ZP1: variants seen among roughly 807,000 people sequenced by gnomAD.
The protein encoded by ZP1 is zona pellucida sperm-binding protein 1.
ZP1 carries 58 observed loss-of-function variants against 67.4 expected under a neutral mutation model. That is an observed-to-expected ratio of 0.86 (90% confidence interval 0.70 to 1.07). The LOEUF is 1.07. Among genes scored for constraint, ZP1 ranks in the 50% least tolerant of loss-of-function variants. The pLI is 0.00. For synonymous variants in ZP1, 333 were observed against 332.7 expected, an observed-to-expected ratio of 1.00 and a Z score of -0.01; for missense variants, 759 against 807.3, an observed-to-expected ratio of 0.94 and a Z score of 0.72.
At chr11:60,870,723 G>T in intron 4 of ZP1, 1 of 664,934 alleles carries the variant, frequency 1.5e-6, no homozygotes, top group Non-Finnish European at 2.5e-6. Flanking sequence ...GAAACGCCCT[G>T]GTTTGGATGA....
At chr11:60,867,784 T>C (rs1393452013) in intron 1 of ZP1, 27 bp downstream of exon 1, 1 of 1,601,608 alleles carries the variant, frequency 6.2e-7, no homozygotes. Context: ...TCCTGGCCCC[T>C]GCCTCCCTGG....
At position 60,869,160 on chromosome 11, in the gene ZP1, G is replaced by T; in HGVS notation, c.212G>T (p.Arg71Leu). 1 of 1,614,134 alleles carries T rather than the reference G, an allele frequency of 6.2e-7. No homozygotes were observed. ...CCCACTGCAGATGAATTTGGGAACC[G>T]ATTTGATGTCAACAACTGCTCCATC... ...RFKVVDEFGN[R>L]FDVNNCSICY... The change falls in exon 2 of 12, where the codon CGA (arginine) becomes CTA (leucine). Residue 71 changes from arginine to leucine, a missense_variant. By Grantham distance (102) the Arg-to-Leu change is moderately radical. Transcript: ENST00000278853.
rs1266999015 is a variant in ZP1, at chr11:60,875,229, G to A, written c.1755G>A (p.Glu585=). The A allele has an allele frequency of 2.2e-5, 35 of 1,612,678 alleles. No individual in the cohort carries two copies. Among genetic ancestry groups the A allele is most frequent in the Non-Finnish European group, 3.0e-5 (35 of 1,180,000 alleles). The stretch of plus-strand genomic sequence containing the variant: ...GCTTTGAGGATTCTTATGGGCAGGA[G>A]CCCACACTTGGGCCCACAGGTAGGA... ...PVGFEDSYGQ[E]PTLGPTDSNG... Residue 585 remains glutamate (E), a synonymous_variant, in exon 11 of 12, where the codon GAG becomes GAA. Coordinates refer to ENST00000278853, the MANE Select transcript of ZP1 (RefSeq NM_207341.4).
chr11:60,868,643 G>A (rs930660721), intron 1 of ZP1, among the ~76,000 whole-genome samples: 3 of 152,178 alleles, frequency 2.0e-5, no homozygotes, highest in Admixed American at 6.5e-5. Context: ...TGGACACCTA[G>A]GGGGTGTCTC....
chr11:60,874,562 G>C (rs1855661005), intron 9 of ZP1, among the ~76,000 whole-genome samples: 2 of 152,242 alleles, frequency 1.3e-5, no homozygotes, highest in Non-Finnish European at 2.9e-5. Context: ...TCCCTCAGTA[G>C]GGCAGGTGGA....
chr11:60,872,816 G>C (rs767310188), intron 6 of ZP1, among the ~76,000 whole-genome samples: 7 of 152,210 alleles, frequency 4.6e-5, no homozygotes, highest in Non-Finnish European at 4.4e-5. Flanking sequence ...TCAGGCTCCA[G>C]GGGCCTCGAA....
At position 60,875,184 on chromosome 11, in the gene ZP1, G is replaced by C. The variant is rs994026227; in HGVS notation, c.1710G>C (p.Val570=). 3 of 1,613,846 alleles carry C rather than the reference G, an allele frequency of 1.9e-6. No homozygotes were observed. In the South Asian group the frequency reaches 3.3e-5, roughly 18 times the overall value. ...ACACTGCCAGGCCCCAGGACATCGT[G>C]AGCTCTCCGGGGCCAGTGGGCTTTG... ...RNDTARPQDI[V]SSPGPVGFED... Residue 570 remains valine, a synonymous_variant, in exon 11 of 12, where the codon GTG becomes GTC. Coordinates refer to ENST00000278853, the MANE Select transcript of ZP1 (RefSeq NM_207341.4).
Position 60,869,132 on chromosome 11 carries a change from T to A in ZP1, c.197-13T>A. 1 of 1,613,830 alleles carries A rather than the reference T, an allele frequency of 6.2e-7. No homozygotes were observed. Among genetic ancestry groups the A allele is most frequent in the East Asian group, 2.2e-5 (1 of 44,850 alleles). Reference sequence around the variant, plus strand: ...CTTCAACATCCCTGGCCCCTCCCCTTCCCCCACTGCAGATGAATTTGGGAA... The same window carrying A: ...CTTCAACATCCCTGGCCCCTCCCCTACCCCCACTGCAGATGAATTTGGGAA... On this transcript the variant is annotated splice_polypyrimidine_tract_variant and intron_variant, in intron 1 of 11. Transcript: ENST00000278853.
At position 60,874,996 on chromosome 11, in the gene ZP1, T is replaced by C; in HGVS notation, c.1636T>C (p.Cys546Arg). 1 of 1,614,262 alleles carries C rather than the reference T, an allele frequency of 6.2e-7. No individual in the cohort carries two copies. Residue 546 changes from cysteine (C) to arginine (R), a missense_variant, in exon 10 of 12, where the codon TGT (cysteine) becomes CGT (arginine). Cys to Arg is a radical substitution (Grantham distance 180, BLOSUM62 -3). Coordinates refer to ENST00000278853, the MANE Select transcript of ZP1 (RefSeq NM_207341.4). ...AGGGCTGGAGACTTGCTCCACTGCATGTAGCACTGGCACTACAAGTGAGTC... is the reference window on the plus strand; with the variant it reads ...AGGGCTGGAGACTTGCTCCACTGCACGTAGCACTGGCACTACAAGTGAGTC... Reference protein sequence around the residue: ...TSGLETCSTACSTGTTRQRRS... With the variant: ...TSGLETCSTARSTGTTRQRRS...
chr11:60,874,982 C>T lies in ZP1; in HGVS notation c.1622C>T (p.Thr541Ile), dbSNP rs1855672765. The change falls in exon 10 of 12, where the codon ACT (threonine) becomes ATT (isoleucine). Residue 541 changes from threonine (T) to isoleucine (I), a missense_variant. By Grantham distance (89) the Thr-to-Ile change is moderately conservative. Transcript: ENST00000278853. ...GCCTGCCACACCTCAGGGCTGGAGA[C>T]TTGCTCCACTGCATGTAGCACTGGC... ...TSACHTSGLETCSTACSTGTT... is the reference protein window; with the variant it reads ...TSACHTSGLEICSTACSTGTT... 13 of 1,614,268 alleles carry T rather than the reference C, an allele frequency of 8.1e-6. No individual in the cohort carries two copies. The East Asian group carries it at 2.9e-4, about 36-fold the overall frequency.
At position 60,867,627 on chromosome 11, in the gene ZP1, G is replaced by A. The variant is rs754345555; in HGVS notation, c.66G>A (p.Leu22=). The change falls in exon 1 of 12, where the codon CTG becomes CTA. Residue 22 remains leucine (L), a synonymous_variant. Coordinates refer to ENST00000278853, the MANE Select transcript of ZP1 (RefSeq NM_207341.4). ...CCCTGCTACTGCTGGTTGCCACCCT[G>A]GGGCTGGGTAGGTGGCTCCAGCCCG... ...PVALLLLVAT[L]GLGRWLQPDP... 3.7e-6 allele frequency: 6 copies of A among 1,613,624 alleles called. No homozygotes were observed. The highest frequency in any genetic ancestry group is 5.1e-6 in the Non-Finnish European group (6 of 1,179,700).
intron 6 of ZP1, among the ~76,000 whole-genome samples, chr11:60,871,584 G>A (rs114636442): frequency 1.0e-3 from 154 of 152,308 alleles, no homozygotes; most frequent in African/African-American, 3.6e-3. Context: ...CCAGTCCTGA[G>A]AGAGCTGGAG....
In ZP1 at chr11:60,873,201, G is replaced by C; in HGVS notation, c.1152G>C (p.Leu384=). The C allele has an allele frequency of 6.2e-7, 1 of 1,607,290 alleles. No homozygotes were observed. The highest frequency in any genetic ancestry group is 8.5e-7 in the Non-Finnish European group (1 of 1,176,370). ...GTGTCTTCAACGCCAGTGACTTCCTGCCCATTCAGGCATCCATTTTCCCAC... is the reference window on the plus strand; with the variant it reads ...GTGTCTTCAACGCCAGTGACTTCCTCCCCATTCAGGCATCCATTTTCCCAC... ...VRCVFNASDF[L]PIQASIFPPP... is the part of the protein sequence containing the mutation. The change falls in exon 7 of 12, where the codon CTG becomes CTC. Residue 384 remains leucine (L), a synonymous_variant. Coordinates refer to ENST00000278853, the MANE Select transcript of ZP1 (RefSeq NM_207341.4).
chr11:60,874,913 T>A lies in ZP1; in HGVS notation c.1573-20T>A. On this transcript the variant is annotated intron_variant, in intron 9 of 11. Coordinates refer to ENST00000278853, the MANE Select transcript of ZP1 (RefSeq NM_207341.4). ...GGTGGCACTGAGCCAGCCACTTTGA[T>A]GTTCTTCTCCTTCCACCAGGTTTAC... 6.2e-7 allele frequency: 1 copy of A among 1,613,714 alleles called. No homozygotes were observed. Among genetic ancestry groups the A allele is most frequent in the Non-Finnish European group, 8.5e-7 (1 of 1,179,634 alleles).
At chr11:60,870,827 C>T (rs1255885366) in intron 4 of ZP1, 130 bp from the exon 5 acceptor site, 7 of 1,077,258 alleles carry the variant, frequency 6.5e-6, no homozygotes, top group African/African-American at 4.7e-5. Context: ...CTGGGGCCAA[C>T]ACCAGCCTAA....
rs778530065 is a variant in ZP1, at chr11:60,873,629, C to G, written c.1431-5C>G. On this transcript the variant is annotated splice_region_variant and splice_polypyrimidine_tract_variant and intron_variant, in intron 8 of 11. Transcript: ENST00000278853. ...GTAAACAGCCTCTCTGACTTCTCTT[C>G]TCAGATGCCCTTTCAAGGGCGACAG... The G allele has an allele frequency of 2.5e-6, 4 of 1,614,182 alleles. No individual in the cohort carries two copies. The South Asian group carries it at 4.4e-5, about 18-fold the overall frequency.
At chr11:60,873,087 G>A (rs1855612266) in intron 6 of ZP1, 75 bp from the exon 7 acceptor site, 2 of 1,491,258 alleles carry the variant, frequency 1.3e-6, no homozygotes, top group Non-Finnish European at 1.8e-6. Context: ...CACGGAGTTG[G>A]TGCCTAGTTT....
At chr11:60,872,017 G>A (rs60148529) in intron 6 of ZP1, among the ~76,000 whole-genome samples, 1,756 of 152,220 alleles carry the variant, frequency 0.012, 47 homozygotes, top group South Asian at 0.041. Flanking sequence ...TCCCCTTCCC[G>A]CCCTGCCGTG....
At position 60,869,716 on chromosome 11, in the gene ZP1, C is replaced by T; in HGVS notation, c.498C>T (p.Pro166=). ...VSTPQTLSFL[P]TSGHTSQGSG... Reference sequence around the variant, plus strand: ...CCCCACAAACCCTTTCCTTCCTCCCCACCTCTGGCCATACCTCCCAAGGCT... The same window carrying T: ...CCCCACAAACCCTTTCCTTCCTCCCTACCTCTGGCCATACCTCCCAAGGCT... Residue 166 remains proline, a synonymous_variant, in exon 3 of 12, where the codon CCC becomes CCT. Transcript: ENST00000278853. 6 of 1,613,954 alleles carry T rather than the reference C, an allele frequency of 3.7e-6. No homozygotes were observed. The highest frequency in any genetic ancestry group is 1.3e-5 in the African/African-American group (1 of 75,052).
Sources: allele counts gnomAD v4.1 joint callset (sites outside exome capture counted in the v4.1 genomes callset), GRCh38; gene constraint gnomAD v4.1.1; transcripts MANE v1.5; gene names NCBI Gene and HGNC (gene_info 2026-07-23, HGNC 2026-07-21).